The following LAMC1 variants were observed in gnomAD, a reference collection of about 807,000 sequenced individuals.
The protein encoded by LAMC1 is laminin subunit gamma 1.
A neutral mutation model predicts 173.6 loss-of-function variants in LAMC1; 38 were observed. The observed-to-expected ratio is 0.22, with a 90% CI of 0.17 to 0.29. LAMC1 has a LOEUF of 0.29. LAMC1 is among the 10% of genes least tolerant of loss of function. LAMC1 has a pLI of 1.00. For missense variants in LAMC1, 1,824 were observed against 2,051.8 expected (o/e 0.89, Z 2.14); for synonymous variants, 746 against 749.1 (o/e 1.00, Z 0.07).
At chr1:183,090,094 G>T (rs1239532374) in intron 1 of LAMC1, among the ~76,000 whole-genome samples, 7 of 152,126 alleles carry the variant, frequency 4.6e-5, no homozygotes, top group Non-Finnish European at 8.8e-5. Flanking sequence ...GAACTTTTTT[G>T]TCTATAAAAC....
chr1:183,088,417 G>A (rs1455136697), intron 1 of LAMC1, among the ~76,000 whole-genome samples: 2 of 152,172 alleles, frequency 1.3e-5, no homozygotes, highest in African/African-American at 2.4e-5. Context: ...AGCTATAACC[G>A]GCATATTCAA....
At chr1:183,075,476 C>A (rs867338902) in intron 1 of LAMC1, among the ~76,000 whole-genome samples, 1 of 152,234 alleles carries the variant, frequency 6.6e-6, no homozygotes. Flanking sequence ...GTCCTGTGGT[C>A]TCTAAACTTT....
At chr1:183,106,990 T>C (rs1655993408) in intron 2 of LAMC1, among the ~76,000 whole-genome samples, 2 of 152,164 alleles carry the variant, frequency 1.3e-5, no homozygotes, top group Admixed American at 1.3e-4. Flanking sequence ...CTAGCAGACA[T>C]GATTCACTGG....
At chr1:183,037,976 C>G (rs1654027034) in intron 1 of LAMC1, among the ~76,000 whole-genome samples, 1 of 151,796 alleles carries the variant, frequency 6.6e-6, no homozygotes, top group Non-Finnish European at 1.5e-5. Context: ...CTAAGTATTA[C>G]TGAATCACTG....
intron 1 of LAMC1, among the ~76,000 whole-genome samples, chr1:183,102,712 T>TC (rs1422606258): frequency 1.3e-5 from 2 of 152,222 alleles, no homozygotes; most frequent in Admixed American, 6.5e-5. Flanking sequence ...TTGTCTTTTT[T>TC]CCCCCATTTC....
intron 1 of LAMC1, among the ~76,000 whole-genome samples, chr1:183,074,321 A>G (rs1264734577): frequency 1.3e-5 from 2 of 152,220 alleles, no homozygotes; most frequent in Non-Finnish European, 2.9e-5. Context: ...AGTATTTGGA[A>G]TCTAAGAGTG....
intron 1 of LAMC1, among the ~76,000 whole-genome samples, chr1:183,042,975 T>C (rs1315440862): frequency 6.6e-6 from 1 of 152,240 alleles, no homozygotes; most frequent in Non-Finnish European, 1.5e-5. Flanking sequence ...CAATCAGAGC[T>C]GTTTTAAAAT....
chr1:183,103,305 C>T (rs1438219194), intron 1 of LAMC1, 23 bp from the exon 2 acceptor site: 2 of 1,603,550 alleles, frequency 1.2e-6, no homozygotes, highest in African/African-American at 2.7e-5. Context: ...TGATTTATGA[C>T]CTTTGATGTG....
chr1:183,072,521 C>T (rs765821650), intron 1 of LAMC1, among the ~76,000 whole-genome samples: 93 of 152,268 alleles, frequency 6.1e-4, no homozygotes, highest in African/African-American at 1.8e-3. Flanking sequence ...GTGGAAGAGA[C>T]TTTTTCCAAG....
At position 183,124,625 on chromosome 1, in the gene LAMC1, C is replaced by T. The variant is rs763279269; in HGVS notation, c.2402-6C>T. ...CTTTCATAACATCAGATTGTCTCAT[C>T]CCCAGGTAAGAGATGTGAGCTCTGT... is the stretch of plus-strand genomic sequence containing the variant. On this transcript the variant is annotated splice_polypyrimidine_tract_variant and splice_region_variant and intron_variant, in intron 13 of 27. Transcript: ENST00000258341. The T allele has an allele frequency of 1.2e-6, 2 of 1,613,960 alleles. No homozygotes were observed. Among genetic ancestry groups the T allele is most frequent in the African/African-American group, 1.3e-5 (1 of 74,902 alleles).
intron 19 of LAMC1, among the ~76,000 whole-genome samples, chr1:183,130,900 C>T (rs989141579): frequency 1.3e-5 from 2 of 152,144 alleles, no homozygotes; most frequent in Non-Finnish European, 2.9e-5. Context: ...TGGGGCCAGG[C>T]GCGGTGGCTC....
intron 4 of LAMC1, among the ~76,000 whole-genome samples, chr1:183,113,451 T>G (rs1248551446): frequency 1.3e-5 from 2 of 152,232 alleles, no homozygotes; most frequent in East Asian, 3.8e-4. Context: ...AAACTTCTTT[T>G]TATTTACTCT....
intron 1 of LAMC1, among the ~76,000 whole-genome samples, chr1:183,063,495 A>G (rs1654790937): frequency 1.3e-5 from 2 of 152,218 alleles, no homozygotes; most frequent in Admixed American, 1.3e-4. Flanking sequence ...GACAGCCTAA[A>G]TGGCGTTGTC....
chr1:183,142,830 G>C lies in LAMC1; in HGVS notation c.*40G>C. On this transcript the variant is annotated 3_prime_UTR_variant, in exon 28 of 28. Transcript: ENST00000258341. ...GAAGGCAGCATCCCTCTGACAGGGG[G>C]GCAGTTGTGAGGCCACAGAGTGCCT... 6.4e-7 allele frequency: 1 copy of C among 1,565,780 alleles called. No homozygotes were observed. The highest frequency in any genetic ancestry group is 1.4e-5 in the African/African-American group (1 of 73,562).
intron 1 of LAMC1, among the ~76,000 whole-genome samples, chr1:183,075,692 T>C (rs544960534): frequency 2.0e-5 from 3 of 152,330 alleles, no homozygotes; most frequent in East Asian, 3.9e-4. Context: ...TTACTCATTT[T>C]GGATACTGAT....
At chr1:183,129,432 G>C (rs1656722449) in intron 18 of LAMC1, among the ~76,000 whole-genome samples, 1 of 152,064 alleles carries the variant, frequency 6.6e-6, no homozygotes, top group Non-Finnish European at 1.5e-5. Context: ...CTTCCAAGCA[G>C]GACCACCATA....
At chr1:183,129,829 T>A (rs1230499990) in intron 18 of LAMC1, among the ~76,000 whole-genome samples, 1 of 151,920 alleles carries the variant, frequency 6.6e-6, no homozygotes, top group Non-Finnish European at 1.5e-5. Flanking sequence ...ATTACACTGA[T>A]ATGCTGGCAC....
chr1:183,106,292 G>T (rs1655976414), intron 2 of LAMC1, among the ~76,000 whole-genome samples: 1 of 152,224 alleles, frequency 6.6e-6, no homozygotes, highest in Non-Finnish European at 1.5e-5. Flanking sequence ...ATTAAACACA[G>T]AAATATGTTT....
chr1:183,024,709 T>G (rs567985744), intron 1 of LAMC1, among the ~76,000 whole-genome samples: 8 of 152,358 alleles, frequency 5.3e-5, no homozygotes, highest in Non-Finnish European at 1.0e-4. Flanking sequence ...CTGCTCAGCC[T>G]TAATTAAGAA....
Sources: allele counts gnomAD v4.1 joint callset (sites outside exome capture counted in the v4.1 genomes callset), GRCh38; gene constraint gnomAD v4.1.1; transcripts MANE v1.5; gene names NCBI Gene and HGNC (gene_info 2026-07-23, HGNC 2026-07-21).